NOL4: variants seen among roughly 807,000 people sequenced by gnomAD.
The protein encoded by NOL4 is cancer/testis antigen 125.
NOL4 carries 17 observed loss-of-function variants against 75.9 expected under a neutral mutation model. That is an observed-to-expected ratio of 0.22 (90% CI 0.15 to 0.34). NOL4 has a LOEUF of 0.34. Among genes scored for constraint, NOL4 ranks in the 10% least tolerant of loss-of-function variants. The probability of loss-of-function intolerance (pLI) is 1.00; values close to 1 mark genes in which losing one functional copy is unlikely to be tolerated. For missense variants in NOL4, 614 were observed against 793.5 expected, an observed-to-expected ratio of 0.77 and a Z score of 2.72; for synonymous variants, 292 against 289.9, an observed-to-expected ratio of 1.01 and a Z score of -0.07.
intron 9 of NOL4, among the ~76,000 whole-genome samples, chr18:33,937,879 CT>C (rs573610255): frequency 6.6e-6 from 1 of 151,972 alleles, no homozygotes; most frequent in Admixed American, 6.6e-5. Context: ...AGTTTGTAGC[CT>C]TTTTTAGGCT....
intron 9 of NOL4, among the ~76,000 whole-genome samples, chr18:33,929,849 G>A (rs1212436957): frequency 1.3e-5 from 2 of 151,902 alleles, no homozygotes; most frequent in African/African-American, 4.8e-5. Context: ...AAAATAACTA[G>A]AACAGTTCAA....
intron 6 of NOL4, among the ~76,000 whole-genome samples, chr18:33,966,174 T>C (rs996866551): frequency 1.1e-4 from 16 of 152,086 alleles, no homozygotes; most frequent in African/African-American, 3.9e-4. Context: ...AGCCTGAAAG[T>C]TATAAAATTT....
intron 6 of NOL4, among the ~76,000 whole-genome samples, chr18:33,987,046 G>C (rs2072515457): frequency 1.3e-5 from 2 of 152,096 alleles, no homozygotes; most frequent in South Asian, 2.1e-4. Flanking sequence ...AGAATGGAAA[G>C]TGGGAATTTG....
At chr18:34,200,042 G>A (rs551907811) in intron 1 of NOL4, among the ~76,000 whole-genome samples, 3 of 151,780 alleles carry the variant, frequency 2.0e-5, no homozygotes, top group Non-Finnish European at 4.4e-5. Context: ...AGTAATTGTT[G>A]TGTTGTTTTT....
chr18:34,090,473 G>C (rs1280721253), intron 5 of NOL4, among the ~76,000 whole-genome samples: 1 of 152,092 alleles, frequency 6.6e-6, no homozygotes, highest in Non-Finnish European at 1.5e-5. Context: ...AGATGTCAGG[G>C]CTTGGAGAAA....
At chr18:34,222,567 G>T in intron 1 of NOL4, 1 of 595,220 alleles carries the variant, frequency 1.7e-6, no homozygotes, top group African/African-American at 2.0e-5. Flanking sequence ...GATCAGACTC[G>T]TCTGCTCTCA....
chr18:34,160,437 A>G (rs1462613938), intron 1 of NOL4, among the ~76,000 whole-genome samples: 1 of 152,126 alleles, frequency 6.6e-6, no homozygotes, highest in Non-Finnish European at 1.5e-5. Flanking sequence ...GATTATATAT[A>G]TTATATACTT....
At chr18:34,093,025 C>G (rs527591819) in intron 5 of NOL4, among the ~76,000 whole-genome samples, 50 of 152,228 alleles carry the variant, frequency 3.3e-4, no homozygotes, top group African/African-American at 1.2e-3. Flanking sequence ...GTAAAATTTC[C>G]TTTAATATCT....
At chr18:33,936,948 A>T (rs2145488676) in intron 9 of NOL4, among the ~76,000 whole-genome samples, 1 of 152,112 alleles carries the variant, frequency 6.6e-6, no homozygotes, top group Non-Finnish European at 1.5e-5. Flanking sequence ...TAACTATAAG[A>T]TCTTTTTGGT....
At chr18:33,876,871 A>G (rs1398422414) in intron 10 of NOL4, among the ~76,000 whole-genome samples, 2 of 151,934 alleles carry the variant, frequency 1.3e-5, no homozygotes, top group Non-Finnish European at 2.9e-5. Context: ...AGAAAACGAA[A>G]CTGGTATTTA....
chr18:33,904,209 G>A (rs2145033439), intron 9 of NOL4, among the ~76,000 whole-genome samples: 1 of 152,110 alleles, frequency 6.6e-6, no homozygotes, highest in Non-Finnish European at 1.5e-5. Context: ...TTGCCATAGG[G>A]GTCCCATCGA....
At chr18:34,185,492 T>G (rs1247267440) in intron 1 of NOL4, among the ~76,000 whole-genome samples, 1 of 151,902 alleles carries the variant, frequency 6.6e-6, no homozygotes, top group African/African-American at 2.4e-5. Context: ...AGAGGCTTAT[T>G]TTTTTTTCAA....
chr18:34,098,428 G>A (rs1285276801), intron 4 of NOL4, among the ~76,000 whole-genome samples: 4 of 152,096 alleles, frequency 2.6e-5, no homozygotes, highest in Non-Finnish European at 5.9e-5. Context: ...TCAAGGAACC[G>A]GGTACTTAAG....
At chr18:34,169,968 C>T (rs1398385683) in intron 1 of NOL4, among the ~76,000 whole-genome samples, 2 of 152,120 alleles carry the variant, frequency 1.3e-5, no homozygotes, top group Non-Finnish European at 2.9e-5. Context: ...TTTGTATATG[C>T]TGTTCTGTTT....
intron 1 of NOL4, among the ~76,000 whole-genome samples, chr18:34,172,964 T>C (rs1012940610): frequency 6.6e-6 from 1 of 152,102 alleles, no homozygotes; most frequent in South Asian, 2.1e-4. Context: ...TGTCTTTCAA[T>C]GTTGTTGAAT....
chr18:34,004,622 A>T (rs1357584515), intron 6 of NOL4, among the ~76,000 whole-genome samples: 1 of 152,110 alleles, frequency 6.6e-6, no homozygotes, highest in African/African-American at 2.4e-5. Context: ...TGCAATAAAG[A>T]TCATTCTCTC....
chr18:34,063,878 T>C (rs536485977), intron 5 of NOL4, among the ~76,000 whole-genome samples: 4 of 152,192 alleles, frequency 2.6e-5, no homozygotes, highest in South Asian at 4.1e-4. Context: ...GGTGATATTA[T>C]ATTGCTTAAA....
chr18:34,041,672 G>T (rs2076146934), intron 5 of NOL4, among the ~76,000 whole-genome samples: 1 of 151,850 alleles, frequency 6.6e-6, no homozygotes, highest in Admixed American at 6.6e-5. Context: ...AAGCATTATA[G>T]ATTTTCTTTT....
chr18:33,916,803 C>T (rs1452415848), intron 9 of NOL4, among the ~76,000 whole-genome samples: 4 of 152,106 alleles, frequency 2.6e-5, no homozygotes, highest in Non-Finnish European at 4.4e-5. Flanking sequence ...GGCAAACATT[C>T]AAACTTGTTT....
Sources: allele counts gnomAD v4.1 joint callset (sites outside exome capture counted in the v4.1 genomes callset), GRCh38; gene constraint gnomAD v4.1.1; transcripts MANE v1.5; gene names NCBI Gene and HGNC (gene_info 2026-07-23, HGNC 2026-07-21).